The following TENM3 variants were observed in gnomAD, a reference collection of about 807,000 sequenced individuals.
TENM3 encodes teneurin-3.
TENM3 carries 63 observed loss-of-function variants against 255.1 expected under a neutral mutation model. The observed-to-expected ratio is 0.25, with a 90% CI of 0.20 to 0.30. The LOEUF is 0.30. Ranked by LOEUF, TENM3 falls within the 10% of genes least tolerant of loss-of-function variation. The probability of loss-of-function intolerance (pLI) is 1.00; values close to 1 mark genes in which losing one functional copy is unlikely to be tolerated. For missense variants in TENM3, 2,929 were observed against 3,461.1 expected (o/e 0.85, Z 3.86); for synonymous variants, 1,306 against 1,322.3 (o/e 0.99, Z 0.27).
At chr4:182,301,330 CTG>C (rs1761842490) in intron 1 of TENM3, among the ~76,000 whole-genome samples, 1 of 152,094 alleles carries the variant, frequency 6.6e-6, no homozygotes, top group Non-Finnish European at 1.5e-5. Context: ...CTGTATGAAA[CTG>C]TTTTTATTTT....
At chr4:182,470,740 TG>T (rs1733040396) in intron 3 of TENM3, among the ~76,000 whole-genome samples, 2 of 152,290 alleles carry the variant, frequency 1.3e-5, no homozygotes, top group South Asian at 4.1e-4. Context: ...AACTTCACCA[TG>T]GGAATGTGGG....
chr4:181,871,109 A>C, the TENM3 span, among the ~76,000 whole-genome samples: 1 of 152,024 alleles, frequency 6.6e-6, no homozygotes, highest in African/African-American at 2.4e-5. Context: ...ATTCTATTTT[A>C]TTGATCTATT....
chr4:181,879,885 A>G, the TENM3 span, among the ~76,000 whole-genome samples: 2 of 152,192 alleles, frequency 1.3e-5, no homozygotes, highest in Admixed American at 6.5e-5. Context: ...GTTAAGAAAA[A>G]AAGTGTTTTT....
chr4:182,638,660 G>A (rs374769026), intron 5 of TENM3, among the ~76,000 whole-genome samples: 2 of 152,054 alleles, frequency 1.3e-5, no homozygotes, highest in African/African-American at 2.4e-5. Context: ...ACATTTTATC[G>A]TGGTGACTTA....
intron 1 of TENM3, among the ~76,000 whole-genome samples, chr4:182,299,012 A>AAAAAAAAAAAAAAAAAAAAAAAAAAC (rs1761680206): frequency 1.0e-5 from 1 of 98,854 alleles, no homozygotes; most frequent in Non-Finnish European, 1.9e-5. Context: ...AAAAAAAAAA[A>AAAAAAAAAAAAAAAAAAAAAAAAAAC]AAAAGAGGTA....
the TENM3 span, among the ~76,000 whole-genome samples, chr4:181,725,575 A>G: frequency 3.3e-5 from 5 of 151,972 alleles, no homozygotes; most frequent in African/African-American, 1.2e-4. Context: ...AGTAGCTGGG[A>G]CTACAGGTGC....
the TENM3 span, among the ~76,000 whole-genome samples, chr4:181,685,172 A>G: frequency 6.6e-6 from 1 of 152,170 alleles, no homozygotes; most frequent in African/African-American, 2.4e-5. Flanking sequence ...TCTACTCTTC[A>G]ATGTTTGGTA....
At position 182,383,947 on chromosome 4, in the gene TENM3, C is replaced by T. The variant is rs557722683; in HGVS notation, c.511+37018C>T. On this transcript the variant is annotated intron_variant, in intron 3 of 27. Coordinates refer to ENST00000511685, the MANE Select transcript of TENM3 (RefSeq NM_001080477.4). ...AGTATGGCTCTGCCAGAGGCAGGAC[C>T]GTATTTCTGTGCATGCACAGTGTAT... 2.0e-4 allele frequency among the ~76,000 whole-genome samples: 31 copies of T among 152,288 alleles called. No individual in the cohort carries two copies. The South Asian group carries it at 6.0e-3, about 30-fold the overall frequency.
At chr4:181,678,143 C>A in the TENM3 span, among the ~76,000 whole-genome samples, 3 of 152,234 alleles carry the variant, frequency 2.0e-5, no homozygotes, top group Non-Finnish European at 4.4e-5. Context: ...GAGACAAGTT[C>A]TATGCAGCTA....
At chr4:181,636,585 A>G in the TENM3 span, among the ~76,000 whole-genome samples, 1 of 152,128 alleles carries the variant, frequency 6.6e-6, no homozygotes, top group Non-Finnish European at 1.5e-5. Context: ...TCACGTGCCC[A>G]GCCAATCCAT....
chr4:182,773,481 T>G lies in TENM3; in HGVS notation c.4902T>G (p.Ser1634Arg). The G allele has an allele frequency of 1.2e-6, 2 of 1,612,046 alleles. No individual in the cohort carries two copies. Among genetic ancestry groups the G allele is most frequent in the Non-Finnish European group, 1.7e-6 (2 of 1,179,028 alleles). The change falls in exon 23 of 28, where the codon AGT becomes AGG. Residue 1634 changes from serine (S) to arginine (R), a missense_variant. Coordinates refer to ENST00000511685, the MANE Select transcript of TENM3 (RefSeq NM_001080477.4). Reference sequence around the variant, plus strand: ...TGCCTCTTGTATTTAGCTATGACAGTGAAGGTCGTCTGACAAATGTTACGT... The same window carrying G: ...TGCCTCTTGTATTTAGCTATGACAGGGAAGGTCGTCTGACAAATGTTACGT... ...TGWTTFFDYD[S>R]EGRLTNVTFP... is the part of the protein sequence containing the mutation.
At chr4:182,357,840 T>C (rs1765669664) in intron 3 of TENM3, among the ~76,000 whole-genome samples, 1 of 151,920 alleles carries the variant, frequency 6.6e-6, no homozygotes, top group South Asian at 2.1e-4. Flanking sequence ...CTAGGGTTTT[T>C]ATGGTTTTAA....
chr4:182,089,080 C>A, the TENM3 span, among the ~76,000 whole-genome samples: 1 of 152,122 alleles, frequency 6.6e-6, no homozygotes, highest in Non-Finnish European at 1.5e-5. Context: ...GGTCTATGAA[C>A]TGGGAAGTGG....
At chr4:181,743,064 T>C in the TENM3 span, among the ~76,000 whole-genome samples, 26,950 of 151,676 alleles carry the variant, frequency 0.18, 3,292 homozygotes, top group African/African-American at 0.35. Flanking sequence ...ATTTTCTTAA[T>C]CCAGTCTATC....
At chr4:182,484,349 C>T (rs1332523299) in intron 3 of TENM3, among the ~76,000 whole-genome samples, 1 of 152,174 alleles carries the variant, frequency 6.6e-6, no homozygotes, top group Non-Finnish European at 1.5e-5. Flanking sequence ...ACACTTAATG[C>T]TCCGAATCAT....
the TENM3 span, among the ~76,000 whole-genome samples, chr4:181,853,837 T>C: frequency 2.0e-5 from 3 of 152,230 alleles, no homozygotes; most frequent in African/African-American, 4.8e-5. Context: ...TTCCAAAGCA[T>C]ATTGGCAAAC....
chr4:182,263,269 T>C (rs1232448705), intron 1 of TENM3, among the ~76,000 whole-genome samples: 1 of 151,950 alleles, frequency 6.6e-6, no homozygotes, highest in Non-Finnish European at 1.5e-5. Flanking sequence ...AGTGGATAAG[T>C]GGTGGGTTCC....
chr4:181,814,068 C>T, the TENM3 span, among the ~76,000 whole-genome samples: 4 of 152,192 alleles, frequency 2.6e-5, no homozygotes, highest in South Asian at 2.1e-4. Flanking sequence ...ACACTATCTA[C>T]GCATAAAAGA....
At chr4:182,608,663 G>A (rs921242469) in intron 4 of TENM3, among the ~76,000 whole-genome samples, 1 of 152,108 alleles carries the variant, frequency 6.6e-6, no homozygotes, top group Non-Finnish European at 1.5e-5. Flanking sequence ...GGATTCTGGC[G>A]TCCTAGCGCT....
Sources: gnomAD v4.1 joint callset for allele counts (sites outside exome capture counted in the v4.1 genomes callset) on GRCh38, gnomAD v4.1.1 for gene constraint, MANE v1.5 for transcripts, NCBI Gene and HGNC (gene_info 2026-07-23, HGNC 2026-07-21) for gene names.